SIPA1L2: variants seen among roughly 807,000 people sequenced by gnomAD.
SIPA1L2 encodes signal induced proliferation associated 1 like 2, also known as signal-induced proliferation-associated 1-like protein 2.
In SIPA1L2, 56 loss-of-function variants were observed where a neutral mutation model predicts 163.9. The observed-to-expected ratio is 0.34, with a 90% CI of 0.28 to 0.43. The LOEUF (loss-of-function observed/expected upper bound fraction) is 0.43, where lower values mean the gene tolerates loss of function less well. SIPA1L2 is among the 20% of genes least tolerant of loss of function. The pLI is 1.00. For missense variants in SIPA1L2, 1,974 were observed against 2,193.5 expected (o/e 0.90, Z 2.00); for synonymous variants, 877 against 865.7 (o/e 1.01, Z -0.23).
At chr1:232,617,485 G>T (rs2102883678) in intron 1 of SIPA1L2, among the ~76,000 whole-genome samples, 1 of 152,290 alleles carries the variant, frequency 6.6e-6, no homozygotes, top group Non-Finnish European at 1.5e-5. Context: ...TCAAGATGAA[G>T]GCAAAGAAAA....
At chr1:232,569,673 C>T (rs1353467140) in intron 2 of SIPA1L2, among the ~76,000 whole-genome samples, 6 of 152,202 alleles carry the variant, frequency 3.9e-5, no homozygotes, top group Non-Finnish European at 8.8e-5. Context: ...ATTAGCTGGG[C>T]GTGGTGGCGC....
chr1:232,437,185 TTAA>T (rs1053522545), intron 15 of SIPA1L2, among the ~76,000 whole-genome samples: 2 of 152,174 alleles, frequency 1.3e-5, no homozygotes, highest in Non-Finnish European at 2.9e-5. Context: ...GAAATTTTAC[TTAA>T]TAATAATAAT....
chr1:232,567,974 A>G (rs1419162757), intron 2 of SIPA1L2, among the ~76,000 whole-genome samples: 1 of 152,238 alleles, frequency 6.6e-6, no homozygotes, highest in Non-Finnish European at 1.5e-5. Flanking sequence ...AAGCTTCCAG[A>G]CAGCTGAACA....
In SIPA1L2 at chr1:232,514,219, G is replaced by C. The variant is rs1667111845; in HGVS notation, c.1121C>G (p.Thr374Arg). Residue 374 changes from threonine to arginine, a missense_variant, in exon 3 of 23, where the codon ACA (threonine) becomes AGA (arginine). By Grantham distance (71) the Thr-to-Arg change is moderately conservative. This residue lies in a region of SIPA1L2 where 607 missense variants were observed against 624.0 expected (regional missense o/e 0.97). Coordinates refer to ENST00000674635, the MANE Select transcript of SIPA1L2 (RefSeq NM_020808.5). ...ASQTQMPTGQ[T>R]GNCESPLGSK... The stretch of plus-strand genomic sequence containing the variant: ...CCCTAAAGGGGACTCACAGTTGCCT[G>C]TCTGGCCCGTAGGCATCTGAGTCTG... 1.9e-6 allele frequency: 3 copies of C among 1,614,098 alleles called. No individual in the cohort carries two copies. Among genetic ancestry groups the C allele is most frequent in the African/African-American group, 2.7e-5 (2 of 74,940 alleles).
chr1:232,518,904 C>T (rs1461845893), intron 2 of SIPA1L2, among the ~76,000 whole-genome samples: 2 of 151,962 alleles, frequency 1.3e-5, no homozygotes, highest in African/African-American at 4.8e-5. Context: ...GGCAGTAAGT[C>T]CTTATATTAG....
At chr1:232,505,598 G>A (rs888103710) in intron 3 of SIPA1L2, among the ~76,000 whole-genome samples, 3 of 152,182 alleles carry the variant, frequency 2.0e-5, no homozygotes, top group Non-Finnish European at 2.9e-5. Context: ...TGGTGTATGG[G>A]AACTGTGACT....
At chr1:232,578,420 C>CA (rs367862152) in intron 1 of SIPA1L2, among the ~76,000 whole-genome samples, 125 of 143,174 alleles carry the variant, frequency 8.7e-4, no homozygotes, top group East Asian at 3.8e-3. Flanking sequence ...ATGTTTCTTA[C>CA]AAAAAAAAAA....
chr1:232,528,503 A>G lies in SIPA1L2; in HGVS notation c.-269-12895T>C, dbSNP rs142951070. On this transcript the variant is annotated intron_variant, in intron 2 of 22. Transcript: ENST00000674635. ...AAAGAACCCAACCTAACCCAAATTT[A>G]TTAACTTATAGACAAATTCATTAAC... Among the ~76,000 whole-genome samples the G allele has an allele frequency of 7.2e-5, 11 of 152,310 alleles. No homozygotes were observed. The East Asian group carries it at 2.1e-3, about 29-fold the overall frequency.
rs765034669 is a variant in SIPA1L2, at chr1:232,513,928, T to C, written c.1412A>G (p.Lys471Arg). Residue 471 changes from lysine (K) to arginine (R), a missense_variant, in exon 3 of 23, where the codon AAA (lysine) becomes AGA (arginine). Physicochemically the swap from Lys to Arg is conservative, Grantham distance 26 (BLOSUM62 2). Transcript: ENST00000674635. ...PRENQPIHRE[K>R]VKRYIIEHID... ...GTGTTCTATGATGTAGCGCTTCACT[T>C]TCTCCCTGTGAATAGGCTGGTTTTC... 18 of 1,613,964 alleles carry C rather than the reference T, an allele frequency of 1.1e-5. No homozygotes were observed. The highest frequency in any genetic ancestry group is 1.5e-5 in the Non-Finnish European group (18 of 1,179,962).
At position 232,513,920 on chromosome 1, in the gene SIPA1L2, G is replaced by A. The variant is rs1172836770; in HGVS notation, c.1420C>T (p.Arg474Cys). Reference sequence around the variant, plus strand: ...AGGTCAATGTGTTCTATGATGTAGCGCTTCACTTTCTCCCTGTGAATAGGC... The same window carrying A: ...AGGTCAATGTGTTCTATGATGTAGCACTTCACTTTCTCCCTGTGAATAGGC... ...NQPIHREKVK[R>C]YIIEHIDLGA... is the part of the protein sequence containing the mutation. The change falls in exon 3 of 23, where the codon CGC (arginine) becomes TGC (cysteine). Residue 474 changes from arginine (R) to cysteine (C), a missense_variant. Around this residue, in one of 3 missense-constraint regions of SIPA1L2, gnomAD observed 607 missense variants for 624.0 expected, o/e 0.97. Coordinates refer to ENST00000674635, the MANE Select transcript of SIPA1L2 (RefSeq NM_020808.5). 6.2e-6 allele frequency: 10 copies of A among 1,613,436 alleles called. No homozygotes were observed. The highest frequency in any genetic ancestry group is 3.3e-5 in the South Asian group (3 of 90,976).
At chr1:232,409,705 G>A (rs1031943802) in intron 19 of SIPA1L2, among the ~76,000 whole-genome samples, 1 of 152,132 alleles carries the variant, frequency 6.6e-6, no homozygotes, top group Non-Finnish European at 1.5e-5. Flanking sequence ...AGACAGGTGA[G>A]TGAAATCTCC....
chr1:232,483,306 G>C (rs1173658705), intron 6 of SIPA1L2, among the ~76,000 whole-genome samples: 2 of 151,758 alleles, frequency 1.3e-5, no homozygotes, highest in Non-Finnish European at 2.9e-5. Context: ...TGTTATAAGG[G>C]GATATTGTGT....
intron 3 of SIPA1L2, among the ~76,000 whole-genome samples, chr1:232,497,362 G>A (rs1411042219): frequency 1.3e-5 from 2 of 149,640 alleles, no homozygotes; most frequent in Non-Finnish European, 3.0e-5. Flanking sequence ...GAGTCGATGG[G>A]GGGAAGGGCC....
At chr1:232,616,095 T>C (rs900156050) in intron 1 of SIPA1L2, among the ~76,000 whole-genome samples, 1 of 152,164 alleles carries the variant, frequency 6.6e-6, no homozygotes, top group Admixed American at 6.5e-5. Context: ...CCCATAGCCA[T>C]GGAGATGGCC....
chr1:232,461,238 G>A (rs1486918641), intron 9 of SIPA1L2, 77 bp from the exon 10 acceptor site: 17 of 1,550,410 alleles, frequency 1.1e-5, no homozygotes, highest in Non-Finnish European at 1.5e-5. Flanking sequence ...TGCACGTATG[G>A]GCCTCCATGC....
At chr1:232,565,222 T>C (rs187131038) in intron 2 of SIPA1L2, among the ~76,000 whole-genome samples, 8 of 152,366 alleles carry the variant, frequency 5.3e-5, no homozygotes, top group Admixed American at 5.2e-4. Context: ...CCCAATGTCA[T>C]ATCAAGTTAA....
intron 1 of SIPA1L2, among the ~76,000 whole-genome samples, chr1:232,591,405 C>T (rs2210669): frequency 0.43 from 64,994 of 152,148 alleles, 14,282 homozygotes; most frequent in African/African-American, 0.49. Flanking sequence ...CTGCCCATTA[C>T]CTGTTCTACA....
Position 232,514,475 on chromosome 1 carries a change from T to G in SIPA1L2, c.865A>C (p.Thr289Pro). The G allele has an allele frequency of 6.2e-7, 1 of 1,614,214 alleles. No homozygotes were observed. The highest frequency in any genetic ancestry group is 8.5e-7 in the Non-Finnish European group (1 of 1,180,046). Reference sequence around the variant, plus strand: ...GTTCGAAGCTTTCGGAAGAGAGATGTTTCCACCGACTCTGATTTCAACCTC... The same window carrying G: ...GTTCGAAGCTTTCGGAAGAGAGATGGTTCCACCGACTCTGATTTCAACCTC... ...KRRLKSESVE[T>P]SLFRKLRTVK... Residue 289 changes from threonine to proline, a missense_variant, in exon 3 of 23, where the codon ACA becomes CCA. By Grantham distance (38) the Thr-to-Pro change is conservative. Transcript: ENST00000674635.
At chr1:232,603,527 G>C (rs1661720943) in intron 1 of SIPA1L2, among the ~76,000 whole-genome samples, 1 of 152,152 alleles carries the variant, frequency 6.6e-6, no homozygotes, top group South Asian at 2.1e-4. Context: ...GGAGCGGAAA[G>C]CAACAGAGGA....
Sources: allele counts gnomAD v4.1 joint callset (sites outside exome capture counted in the v4.1 genomes callset), GRCh38; gene constraint gnomAD v4.1.1; regional missense constraint gnomAD v4.1.1; transcripts MANE v1.5; gene names NCBI Gene and HGNC (gene_info 2026-07-23, HGNC 2026-07-21).